CCSER1: variants seen among roughly 807,000 people sequenced by gnomAD.
CCSER1 encodes the protein serine-rich coiled-coil domain-containing protein 1.
In CCSER1, 41 loss-of-function variants were observed where a neutral mutation model predicts 82.0. The observed-to-expected ratio is 0.50, with a 90% CI of 0.39 to 0.65. The LOEUF is 0.65. Ranked by LOEUF, CCSER1 falls within the 30% of genes least tolerant of loss-of-function variation. CCSER1 has a pLI of 0.00. For missense variants in CCSER1, 1,119 were observed against 1,064.2 expected (o/e 1.05, Z -0.72); for synonymous variants, 414 against 383.9 (o/e 1.08, Z -0.92).
At chr4:91,195,031 A>G (rs908523411) in intron 10 of CCSER1, among the ~76,000 whole-genome samples, 3 of 152,232 alleles carry the variant, frequency 2.0e-5, no homozygotes, top group African/African-American at 7.2e-5. Context: ...TTTCTTTATT[A>G]TAAAACTTGA....
At chr4:90,686,729 C>T (rs1172200624) in intron 6 of CCSER1, among the ~76,000 whole-genome samples, 2 of 152,098 alleles carry the variant, frequency 1.3e-5, no homozygotes, top group Non-Finnish European at 2.9e-5. Context: ...AAGCATTTAG[C>T]CAAGTGCTTC....
chr4:91,130,791 A>G (rs1321029398), intron 10 of CCSER1, among the ~76,000 whole-genome samples: 3 of 151,884 alleles, frequency 2.0e-5, no homozygotes, highest in African/African-American at 7.2e-5. Flanking sequence ...ATTATCTTAC[A>G]TAAAATGCAA....
rs1450091101 is a variant in CCSER1, at chr4:90,939,827, GTTGATTTTGCCTCTT to G, written c.2172+16381_2172+16395del. On this transcript the variant is annotated intron_variant, in intron 9 of 10. Transcript: ENST00000509176. ...TACACAAAATGGTGTATTTGCCCTT[GTTGATTTTGCCTCTT>G]AAAACACCCTCCGTGATCTAAAATA... 2.6e-5 allele frequency among the ~76,000 whole-genome samples: 4 copies of G among 152,040 alleles called. 1 individual carries two copies. The highest frequency in any genetic ancestry group is 5.9e-5 in the Non-Finnish European group (4 of 67,982).
At chr4:91,044,789 T>C (rs1742298017) in intron 9 of CCSER1, among the ~76,000 whole-genome samples, 1 of 152,194 alleles carries the variant, frequency 6.6e-6, no homozygotes, top group Non-Finnish European at 1.5e-5. Flanking sequence ...TCAAAGCACC[T>C]GAGACATAAT....
At chr4:90,827,833 T>C (rs1405378500) in intron 8 of CCSER1, among the ~76,000 whole-genome samples, 1 of 152,148 alleles carries the variant, frequency 6.6e-6, no homozygotes, top group African/African-American at 2.4e-5. Flanking sequence ...AAATTTATCA[T>C]GTGCACCAGA....
intron 5 of CCSER1, among the ~76,000 whole-genome samples, chr4:90,551,706 C>CTCTCTCTCTCTCTCTATATATA: frequency 6.0e-4 from 63 of 104,216 alleles, no homozygotes; most frequent in African/African-American, 2.1e-3. Flanking sequence ...CTCTCTCTCT[C>CTCTCTCTCTCTCTCTATATATA]TATATATATA....
intron 1 of CCSER1, among the ~76,000 whole-genome samples, chr4:90,147,433 A>G (rs1726019278): frequency 6.6e-6 from 1 of 152,112 alleles, no homozygotes; most frequent in Admixed American, 6.6e-5. Context: ...GACTTTACAA[A>G]CCATGAATTG....
chr4:90,955,708 T>C (rs1266872510), intron 9 of CCSER1, among the ~76,000 whole-genome samples: 1 of 152,162 alleles, frequency 6.6e-6, no homozygotes, highest in Non-Finnish European at 1.5e-5. Context: ...TTATTCTTCT[T>C]GCCCTCCTGC....
At chr4:91,379,277 G>A (rs1217756222) in intron 10 of CCSER1, among the ~76,000 whole-genome samples, 2 of 152,122 alleles carry the variant, frequency 1.3e-5, no homozygotes, top group Non-Finnish European at 2.9e-5. Flanking sequence ...AAATGAGTTA[G>A]GGAGGATTCC....
At chr4:90,239,137 C>G (rs765253554) in intron 1 of CCSER1, among the ~76,000 whole-genome samples, 20 of 152,116 alleles carry the variant, frequency 1.3e-4, no homozygotes. Context: ...TGTGAGCCAC[C>G]GTGCCCAGCC....
At chr4:90,666,285 T>A (rs1186534139) in intron 6 of CCSER1, among the ~76,000 whole-genome samples, 2 of 152,156 alleles carry the variant, frequency 1.3e-5, no homozygotes, top group Admixed American at 6.5e-5. Flanking sequence ...TAAATCTTGA[T>A]TACTAAGTCC....
intron 1 of CCSER1, among the ~76,000 whole-genome samples, chr4:90,197,136 C>T (rs1736770279): frequency 6.6e-6 from 1 of 152,094 alleles, no homozygotes; most frequent in Non-Finnish European, 1.5e-5. Flanking sequence ...TCACATAACT[C>T]AGAACACTAT....
In CCSER1 at chr4:90,897,418, C is replaced by T. The variant is rs143044880; in HGVS notation, c.2095-25952C>T. Among the ~76,000 whole-genome samples the T allele has an allele frequency of 9.1e-3, 1,383 of 152,124 alleles. 31 individuals carry two copies. Among genetic ancestry groups the T allele is most frequent in the African/African-American group, 0.032 (1,323 of 41,530 alleles). ...GATTTTCTGTTTCTGAGTTACTTCACTTAGGATAATGGCCTCCAGCTCTAT... is the reference window on the plus strand; with the variant it reads ...GATTTTCTGTTTCTGAGTTACTTCATTTAGGATAATGGCCTCCAGCTCTAT... On this transcript the variant is annotated intron_variant, in intron 8 of 10. Coordinates refer to ENST00000509176, the MANE Select transcript of CCSER1 (RefSeq NM_001145065.2).
At chr4:90,129,162 A>T (rs537886221) in intron 1 of CCSER1, among the ~76,000 whole-genome samples, 1 of 152,348 alleles carries the variant, frequency 6.6e-6, no homozygotes, top group Non-Finnish European at 1.5e-5. Context: ...CTCAAGGACT[A>T]TTAAAAATAA....
chr4:90,793,444 C>A (rs914120082), intron 7 of CCSER1, among the ~76,000 whole-genome samples: 6 of 152,142 alleles, frequency 3.9e-5, no homozygotes, highest in Non-Finnish European at 8.8e-5. Context: ...ATTTGGTTTT[C>A]TTTTCCTTTT....
intron 10 of CCSER1, among the ~76,000 whole-genome samples, chr4:91,356,223 A>G (rs1748822937): frequency 6.6e-6 from 1 of 152,172 alleles, no homozygotes; most frequent in African/African-American, 2.4e-5. Context: ...TCCAACTGCC[A>G]TTTTTTCTCT....
intron 10 of CCSER1, among the ~76,000 whole-genome samples, chr4:91,515,716 C>G (rs1052273314): frequency 1.3e-5 from 2 of 151,840 alleles, no homozygotes; most frequent in African/African-American, 4.8e-5. Context: ...GGATATATAC[C>G]CACTAATGGG....
At chr4:91,550,740 C>T (rs1578765391) in intron 10 of CCSER1, among the ~76,000 whole-genome samples, 1 of 152,170 alleles carries the variant, frequency 6.6e-6, no homozygotes, top group South Asian at 2.1e-4. Flanking sequence ...AATGAATGCA[C>T]AGGGGATGAA....
At chr4:90,800,021 G>A (rs957552137) in intron 7 of CCSER1, among the ~76,000 whole-genome samples, 2 of 152,156 alleles carry the variant, frequency 1.3e-5, no homozygotes, top group Non-Finnish European at 2.9e-5. Context: ...CTTCAGCCCA[G>A]CTTCTGTGTC....
Sources: gnomAD v4.1 joint callset for allele counts (sites outside exome capture counted in the v4.1 genomes callset) on GRCh38, gnomAD v4.1.1 for gene constraint, MANE v1.5 for transcripts, NCBI Gene and HGNC (gene_info 2026-07-23, HGNC 2026-07-21) for gene names.